Variants in PRKG1 observed in about 807,000 individuals in gnomAD.
PRKG1 encodes protein kinase cGMP-dependent 1.
A neutral mutation model predicts 88.1 loss-of-function variants in PRKG1; 35 were observed. The ratio of observed to expected loss-of-function variants is 0.40; its 90% CI spans 0.30 to 0.53. The LOEUF (loss-of-function observed/expected upper bound fraction) is 0.53. Ranked by LOEUF, PRKG1 falls within the 20% of genes least tolerant of loss-of-function variation. The pLI is 0.59. For missense variants in PRKG1, 540 were observed against 839.8 expected, an observed-to-expected ratio of 0.64 and a Z score of 4.41; for synonymous variants, 303 against 292.5, an observed-to-expected ratio of 1.04 and a Z score of -0.37.
intron 2 of PRKG1, among the ~76,000 whole-genome samples, chr10:51,285,056 C>G (rs1840405929): frequency 1.9e-5 from 2 of 106,286 alleles, no homozygotes; most frequent in African/African-American, 7.2e-5. Context: ...CTCCCCCCAC[C>G]CCACCACAGT....
chr10:51,178,794 A>G (rs1385466396), intron 2 of PRKG1, among the ~76,000 whole-genome samples: 5 of 152,218 alleles, frequency 3.3e-5, no homozygotes. Context: ...TAATTGAAAA[A>G]AATGACAAGA....
chr10:51,478,593 G>A (rs1349218873), intron 3 of PRKG1, among the ~76,000 whole-genome samples: 1 of 151,986 alleles, frequency 6.6e-6, no homozygotes, highest in Non-Finnish European at 1.5e-5. Flanking sequence ...AGTGAACCAA[G>A]TTCTTGAAAT....
At chr10:51,968,317 T>C (rs1401437706) in intron 5 of PRKG1, among the ~76,000 whole-genome samples, 1 of 151,914 alleles carries the variant, frequency 6.6e-6, no homozygotes, top group East Asian at 1.9e-4. Context: ...TAGGAGTGGG[T>C]GAATGGTTGG....
chr10:51,375,800 T>A (rs1041635947), intron 2 of PRKG1, among the ~76,000 whole-genome samples: 1 of 152,104 alleles, frequency 6.6e-6, no homozygotes, highest in Non-Finnish European at 1.5e-5. Flanking sequence ...GTAGTTCTTA[T>A]CAGTGGCCTG....
chr10:51,112,235 G>A (rs1844996327), intron 1 of PRKG1, among the ~76,000 whole-genome samples: 1 of 152,022 alleles, frequency 6.6e-6, no homozygotes, highest in Non-Finnish European at 1.5e-5. Context: ...TTTAAAACAT[G>A]TACTGGTTTC....
Position 51,599,543 on chromosome 10 carries a change from A to T in PRKG1, c.592+131707A>T, listed in dbSNP as rs187196419. On this transcript the variant is annotated intron_variant, in intron 3 of 17. Coordinates refer to ENST00000373980, the MANE Select transcript of PRKG1 (RefSeq NM_006258.4). ...TTTAATTTTGGCCTTAATAATTATTATCAGATATTACAACACTGTATCTTT... is the reference window on the plus strand; with the variant it reads ...TTTAATTTTGGCCTTAATAATTATTTTCAGATATTACAACACTGTATCTTT... Among the ~76,000 whole-genome samples, 728 of 152,322 alleles carry T rather than the reference A, an allele frequency of 4.8e-3. 4 individuals carry two copies. Among genetic ancestry groups the T allele is most frequent in the Non-Finnish European group, 6.4e-3 (438 of 68,024 alleles).
intron 1 of PRKG1, among the ~76,000 whole-genome samples, chr10:51,027,927 C>T (rs1843229316): frequency 6.6e-6 from 1 of 152,142 alleles, no homozygotes; most frequent in African/African-American, 2.4e-5. Context: ...AAACAATCTC[C>T]TGGTTGTAAT....
chr10:51,207,355 C>G (rs917006692), intron 2 of PRKG1, among the ~76,000 whole-genome samples: 2 of 152,164 alleles, frequency 1.3e-5, no homozygotes, highest in African/African-American at 4.8e-5. Context: ...CACTAAATCT[C>G]TTATTATGTA....
At chr10:51,950,780 T>G (rs7905966) in intron 5 of PRKG1, among the ~76,000 whole-genome samples, 13,059 of 152,338 alleles carry the variant, frequency 0.086, 1,387 homozygotes, top group African/African-American at 0.24. Context: ...AAAAGGCCAG[T>G]GGGACAGTCT....
chr10:50,998,517 G>A (rs1021634635), intron 1 of PRKG1, among the ~76,000 whole-genome samples: 1 of 152,236 alleles, frequency 6.6e-6, no homozygotes, highest in Non-Finnish European at 1.5e-5. Flanking sequence ...GGAGGCCAAG[G>A]TGGGCAGATC....
At chr10:51,673,785 G>A (rs1840642408) in intron 3 of PRKG1, among the ~76,000 whole-genome samples, 1 of 152,154 alleles carries the variant, frequency 6.6e-6, no homozygotes, top group African/African-American at 2.4e-5. Flanking sequence ...CGAGATTTGA[G>A]AATAGACTTT....
intron 4 of PRKG1, among the ~76,000 whole-genome samples, chr10:51,849,499 T>C (rs7077955): frequency 0.026 from 3,998 of 152,262 alleles, 201 homozygotes; most frequent in African/African-American, 0.09. Flanking sequence ...TCTTACCTGA[T>C]TACTCAGATT....
At chr10:51,890,108 G>A (rs1841680388) in intron 4 of PRKG1, among the ~76,000 whole-genome samples, 1 of 152,082 alleles carries the variant, frequency 6.6e-6, no homozygotes, top group Non-Finnish European at 1.5e-5. Flanking sequence ...ATTGCTTTTG[G>A]TGTATTAGAC....
In PRKG1 at chr10:51,032,736, G is replaced by C. The variant is rs181290552; in HGVS notation, c.266+41092G>C. Among the ~76,000 whole-genome samples the C allele has an allele frequency of 2.2e-3, 342 of 152,196 alleles. 1 individual carries two copies. The highest frequency in any genetic ancestry group is 7.4e-3 in the African/African-American group (308 of 41,550). On this transcript the variant is annotated intron_variant, in intron 1 of 17. Transcript: ENST00000401604. The stretch of plus-strand genomic sequence containing the variant: ...ACTGCGACACTGCACTACATGCAGT[G>C]GGGGGGTGACTCTGTCTCAAACAAA...
At chr10:51,071,822 C>T (rs764224603), upstream of PRKG1, among the ~76,000 whole-genome samples, 1 of 152,112 alleles carries the variant, frequency 6.6e-6, no homozygotes, top group Non-Finnish European at 1.5e-5. Context: ...TGCTCAAAAA[C>T]ATTAAGTAAC....
intron 3 of PRKG1, among the ~76,000 whole-genome samples, chr10:51,757,206 A>G (rs1489770297): frequency 6.6e-6 from 1 of 152,004 alleles, no homozygotes; most frequent in African/African-American, 2.4e-5. Context: ...GGTTCAAGTG[A>G]TTCTCCTGCC....
chr10:52,166,803 ATATATG>A (rs1201067047), intron 9 of PRKG1, among the ~76,000 whole-genome samples: 13,572 of 25,350 alleles, frequency 0.54, 1,487 homozygotes, highest in South Asian at 0.6. Flanking sequence ...ATATACATAT[ATATATG>A]TATATATATG....
intron 2 of PRKG1, among the ~76,000 whole-genome samples, chr10:51,232,170 T>G (rs906371482): frequency 6.6e-6 from 1 of 152,152 alleles, no homozygotes; most frequent in Non-Finnish European, 1.5e-5. Flanking sequence ...ATCTGTGAAT[T>G]CCAGTAGAGC....
rs117764324 is a variant in PRKG1 at position 51,630,292 on chromosome 10, G to A, written c.592+162456G>A. 1.9e-3 allele frequency among the ~76,000 whole-genome samples: 290 copies of A among 152,242 alleles called. 2 individuals carry two copies. The highest frequency in any genetic ancestry group is 2.9e-3 in the Non-Finnish European group (200 of 68,014). The stretch of plus-strand genomic sequence containing the variant: ...ATGAGTTAAGGGCATGTACTTTAAT[G>A]CGGTTAATTTTAATCACATCCTGCA... On this transcript the variant is annotated intron_variant, in intron 3 of 17. Coordinates refer to ENST00000373980, the MANE Select transcript of PRKG1 (RefSeq NM_006258.4).
Sources: allele counts gnomAD v4.1 joint callset (sites outside exome capture counted in the v4.1 genomes callset), GRCh38; gene constraint gnomAD v4.1.1; transcripts MANE v1.5; gene names NCBI Gene and HGNC (gene_info 2026-07-23, HGNC 2026-07-21).